STK32B: variants seen among roughly 807,000 people sequenced by gnomAD.
STK32B encodes serine/threonine-protein kinase 32B.
A neutral mutation model predicts 52.6 loss-of-function variants in STK32B; 43 were observed. That is an observed-to-expected ratio of 0.82 (90% CI 0.64 to 1.05). The LOEUF (loss-of-function observed/expected upper bound fraction) is 1.05, where lower values mean the gene tolerates loss of function less well. Among genes scored for constraint, STK32B ranks in the 50% least tolerant of loss-of-function variants. The pLI is 0.00. For missense variants in STK32B, 621 were observed against 534.6 expected, an observed-to-expected ratio of 1.16 and a Z score of -1.59; for synonymous variants, 238 against 204.3, an observed-to-expected ratio of 1.17 and a Z score of -1.41.
intron 11 of STK32B, among the ~76,000 whole-genome samples, chr4:5,491,205 T>G (rs1180578918): frequency 2.6e-5 from 4 of 152,308 alleles, no homozygotes; most frequent in South Asian, 2.1e-4. Context: ...GTAAAAGTGT[T>G]CCTATTTCTC....
intron 4 of STK32B, among the ~76,000 whole-genome samples, chr4:5,382,903 G>A (rs1736020325): frequency 6.6e-6 from 1 of 152,162 alleles, no homozygotes; most frequent in Admixed American, 6.5e-5. Flanking sequence ...GCTTCATACA[G>A]AGTTAAGGTC....
At chr4:5,498,598 T>C (rs1720478855) in intron 11 of STK32B, among the ~76,000 whole-genome samples, 2 of 152,204 alleles carry the variant, frequency 1.3e-5, no homozygotes, top group Non-Finnish European at 1.5e-5. Flanking sequence ...CTTTACCGAC[T>C]GTGAGCTTGG....
chr4:5,204,908 C>G (rs1407829648), intron 3 of STK32B, among the ~76,000 whole-genome samples: 2 of 152,184 alleles, frequency 1.3e-5, no homozygotes, highest in Non-Finnish European at 2.9e-5. Context: ...GACTGGTCTA[C>G]AGATTGCTGC....
intron 3 of STK32B, among the ~76,000 whole-genome samples, chr4:5,313,359 C>T (rs1171783124): frequency 1.3e-5 from 2 of 151,896 alleles, no homozygotes; most frequent in Admixed American, 6.6e-5. Flanking sequence ...GATAAAAACT[C>T]TCAGGCAACT....
At chr4:5,449,888 C>T (rs60767694) in intron 7 of STK32B, among the ~76,000 whole-genome samples, 1 of 152,136 alleles carries the variant, frequency 6.6e-6, no homozygotes, top group African/African-American at 2.4e-5. Flanking sequence ...GGAAAACCAG[C>T]TCAGGGCTCC....
At chr4:5,082,404 T>C (rs2108776505) in intron 1 of STK32B, among the ~76,000 whole-genome samples, 1 of 152,290 alleles carries the variant, frequency 6.6e-6, no homozygotes, top group African/African-American at 2.4e-5. Context: ...TAGGTACCCA[T>C]GTGCTAATTG....
intron 1 of STK32B, among the ~76,000 whole-genome samples, chr4:5,060,472 TTTTA>T (rs979660233): frequency 3.3e-5 from 5 of 152,158 alleles, no homozygotes; most frequent in South Asian, 2.1e-4. Context: ...TTGCTTTAAT[TTTTA>T]TTTGTTTTCT....
At chr4:5,109,632 A>G (rs1456480883) in intron 1 of STK32B, among the ~76,000 whole-genome samples, 1 of 152,230 alleles carries the variant, frequency 6.6e-6, no homozygotes, top group Non-Finnish European at 1.5e-5. Flanking sequence ...AACATAACTC[A>G]GGATAATGGG....
chr4:5,091,940 G>A (rs144439801), intron 1 of STK32B, among the ~76,000 whole-genome samples: 10 of 152,290 alleles, frequency 6.6e-5, no homozygotes, highest in African/African-American at 2.4e-4. Context: ...AGTGAAAGAA[G>A]TCTGCCAGAA....
At chr4:5,318,997 G>A (rs1464732969) in intron 3 of STK32B, among the ~76,000 whole-genome samples, 3 of 151,906 alleles carry the variant, frequency 2.0e-5, no homozygotes, top group East Asian at 3.9e-4. Context: ...GTAGAGATGG[G>A]GTTTCACTGT....
At chr4:5,304,550 T>C (rs189882288) in intron 3 of STK32B, among the ~76,000 whole-genome samples, 209 of 152,238 alleles carry the variant, frequency 1.4e-3, no homozygotes, top group African/African-American at 4.7e-3. Flanking sequence ...GAAACTTTAC[T>C]GGATTCATTT....
At position 5,398,864 on chromosome 4, in the gene STK32B, C is replaced by A. The variant is rs1737099074; in HGVS notation, c.472+620C>A. 6.8e-6 allele frequency among the ~76,000 whole-genome samples: 1 copy of A among 147,610 alleles called. No homozygotes were observed. Among genetic ancestry groups the A allele is most frequent in the Middle Eastern group, 3.4e-3 (1 of 290 alleles). On this transcript the variant is annotated intron_variant, in intron 5 of 11. Coordinates refer to ENST00000282908, the MANE Select transcript of STK32B (RefSeq NM_018401.3). This position sits in a 1 kb window ranked among gnomAD's most constrained non-coding sequence, Gnocchi z 4.9. ...CTGCAAAGCTCCCAGGTGGCTGATG[C>A]TGCTGGTCCATGGACCACACCTTGA...
chr4:5,283,945 A>T (rs1290974134), intron 3 of STK32B, among the ~76,000 whole-genome samples: 1 of 152,222 alleles, frequency 6.6e-6, no homozygotes, highest in Non-Finnish European at 1.5e-5. Context: ...ATATACTGCC[A>T]TACTGAGAAT....
chr4:5,128,086 GA>G (rs1715520044), intron 1 of STK32B, among the ~76,000 whole-genome samples: 1 of 152,142 alleles, frequency 6.6e-6, no homozygotes, highest in Non-Finnish European at 1.5e-5. Flanking sequence ...TTAGCAGCGT[GA>G]AAACAGACTA....
chr4:5,307,546 A>ATTTTTTTTTTTTTTTTTTTTTTTTTTTTT (rs769423490), intron 3 of STK32B, among the ~76,000 whole-genome samples: 1 of 131,098 alleles, frequency 7.6e-6, no homozygotes. Context: ...CATATGCTCT[A>ATTTTTTTTTTTTTTTTTTTTTTTTTTTTT]TCTTTTTTTT....
intron 6 of STK32B, among the ~76,000 whole-genome samples, chr4:5,437,112 C>T (rs1714152310): frequency 6.6e-6 from 1 of 152,218 alleles, no homozygotes; most frequent in South Asian, 2.1e-4. Flanking sequence ...CTGGCGGTTG[C>T]CCAGTACACG....
intron 3 of STK32B, among the ~76,000 whole-genome samples, chr4:5,291,873 T>C (rs2108884549): frequency 6.6e-6 from 1 of 152,258 alleles, no homozygotes; most frequent in East Asian, 1.9e-4. Context: ...TTGTTTCTTT[T>C]GATTCTGGGG....
At chr4:5,441,237 G>A (rs1278423419) in intron 6 of STK32B, among the ~76,000 whole-genome samples, 1 of 151,646 alleles carries the variant, frequency 6.6e-6, no homozygotes, top group African/African-American at 2.4e-5. Flanking sequence ...TCTGGTCCTG[G>A]ACTCTTTTTG....
At chr4:5,281,916 A>C (rs909907508) in intron 3 of STK32B, among the ~76,000 whole-genome samples, 1 of 152,144 alleles carries the variant, frequency 6.6e-6, no homozygotes, top group African/African-American at 2.4e-5. Flanking sequence ...TATTTTTTCT[A>C]TTCTTTGAAA....
Sources: allele counts gnomAD v4.1 joint callset (sites outside exome capture counted in the v4.1 genomes callset), GRCh38; gene constraint gnomAD v4.1.1; non-coding constraint Gnocchi (gnomAD v3.1); transcripts MANE v1.5; gene names NCBI Gene and HGNC (gene_info 2026-07-23, HGNC 2026-07-21).